Variants in PIK3R1 observed in about 807,000 individuals in gnomAD.
The protein encoded by PIK3R1 is phosphoinositide-3-kinase regulatory subunit 1.
A neutral mutation model predicts 98.0 loss-of-function variants in PIK3R1; 29 were observed. The ratio of observed to expected loss-of-function variants is 0.30; its 90% CI spans 0.22 to 0.40. The LOEUF is 0.40. Ranked by LOEUF, PIK3R1 falls within the 10% of genes least tolerant of loss-of-function variation. The pLI, the probability that PIK3R1 is intolerant of heterozygous loss-of-function variation, is 1.00. For missense variants in PIK3R1, 596 were observed against 872.7 expected (o/e 0.68, Z 3.99); for synonymous variants, 282 against 311.8 (o/e 0.90, Z 1.01).
chr5:68,224,412 T>TC, intron 1 of PIK3R1, among the ~76,000 whole-genome samples: 1 of 152,346 alleles, frequency 6.6e-6, no homozygotes, highest in East Asian at 1.9e-4. Flanking sequence ...TAGAGTACTA[T>TC]CCCCAATTAA....
chr5:68,235,738 A>G (rs1189322187), intron 2 of PIK3R1, among the ~76,000 whole-genome samples: 4 of 152,250 alleles, frequency 2.6e-5, no homozygotes, highest in African/African-American at 7.2e-5. Flanking sequence ...GAATTTGGTT[A>G]GAGTATATCA....
At chr5:68,255,483 T>C (rs1190262048) in intron 2 of PIK3R1, among the ~76,000 whole-genome samples, 1 of 152,190 alleles carries the variant, frequency 6.6e-6, no homozygotes, top group African/African-American at 2.4e-5. Flanking sequence ...ATGACCTTCA[T>C]AGACTATGCA....
intron 1 of PIK3R1, among the ~76,000 whole-genome samples, chr5:68,218,719 A>G (rs1200986706): frequency 6.6e-6 from 1 of 152,216 alleles, no homozygotes; most frequent in Non-Finnish European, 1.5e-5. Context: ...TGTATGTTTC[A>G]TATGAGCTCC....
rs539456941 is a variant in PIK3R1 at position 68,227,066 on chromosome 5, A to G, written c.334+57A>G. On this transcript the variant is annotated intron_variant, in intron 2 of 15. Transcript: ENST00000521381. ...CCCTTTCTTTTTCTTTTTAAGGAAAAGTCTTAAGTTTGGGTTGAGTCGTTA... is the reference window on the plus strand; with the variant it reads ...CCCTTTCTTTTTCTTTTTAAGGAAAGGTCTTAAGTTTGGGTTGAGTCGTTA... The G allele has an allele frequency of 3.3e-5, 49 of 1,488,394 alleles. No individual in the cohort carries two copies. In the Middle Eastern group the frequency reaches 5.5e-4, roughly 17 times the overall value. The allele number at this position is 1,488,394 out of a possible 1,614,324, so 92.2% of individuals were successfully genotyped here. A position where few individuals can be genotyped will look rare whatever the true frequency, so the allele number is the denominator to read the frequency against.
At chr5:68,216,810 G>A (rs944500303) in intron 1 of PIK3R1, among the ~76,000 whole-genome samples, 11 of 76,658 alleles carry the variant, frequency 1.4e-4, no homozygotes, top group African/African-American at 8.1e-4. Flanking sequence ...CAGATCACAA[G>A]ACAAAGAGAA....
chr5:68,273,458 C>G lies in PIK3R1; in HGVS notation c.403C>G (p.Leu135Val). ...CATTGCCCCGCCTCTTCTTATCAAG[C>G]TCGTGGAAGCCATTGAAAAGAAAGG... ...PDIAPPLLIK[L>V]VEAIEKKGLE... is the part of the protein sequence containing the mutation. Residue 135 changes from leucine (L) to valine (V), a missense_variant, in exon 3 of 16, where the codon CTC (leucine) becomes GTC (valine). Physicochemically the swap from Leu to Val is conservative, Grantham distance 32. Coordinates refer to ENST00000521381, the MANE Select transcript of PIK3R1 (RefSeq NM_181523.3). 6.2e-7 allele frequency: 1 copy of G among 1,614,034 alleles called. No individual in the cohort carries two copies. Among genetic ancestry groups the G allele is most frequent in the Non-Finnish European group, 8.5e-7 (1 of 1,179,934 alleles).
At chr5:68,244,753 A>G (rs1364887311) in intron 2 of PIK3R1, among the ~76,000 whole-genome samples, 1 of 152,038 alleles carries the variant, frequency 6.6e-6, no homozygotes, top group Non-Finnish European at 1.5e-5. Context: ...TTTTAGAAAA[A>G]TGCACTTGTT....
intron 2 of PIK3R1, among the ~76,000 whole-genome samples, chr5:68,229,898 C>G (rs908130796): frequency 3.3e-5 from 5 of 152,204 alleles, no homozygotes; most frequent in African/African-American, 7.2e-5. Flanking sequence ...TTAGGAAGCC[C>G]TGGCATATAG....
At chr5:68,221,428 T>G (rs143659176) in intron 1 of PIK3R1, among the ~76,000 whole-genome samples, 1 of 152,346 alleles carries the variant, frequency 6.6e-6, no homozygotes, top group African/African-American at 2.4e-5. Context: ...TGTAGAGAGA[T>G]ATGGGCTGTG....
intron 2 of PIK3R1, among the ~76,000 whole-genome samples, chr5:68,270,018 A>G (rs1746280093): frequency 6.6e-6 from 1 of 152,186 alleles, no homozygotes; most frequent in South Asian, 2.1e-4. Flanking sequence ...GTCACTCAAT[A>G]CATTACAAAA....
At chr5:68,275,624 T>C (rs1298685481) in intron 4 of PIK3R1, among the ~76,000 whole-genome samples, 1 of 151,886 alleles carries the variant, frequency 6.6e-6, no homozygotes, top group African/African-American at 2.4e-5. Flanking sequence ...CCCAGTGAGA[T>C]CAAAACACAT....
At chr5:68,251,967 A>G (rs1417308871) in intron 2 of PIK3R1, among the ~76,000 whole-genome samples, 8 of 152,184 alleles carry the variant, frequency 5.3e-5, no homozygotes, top group Admixed American at 5.2e-4. Flanking sequence ...CTTGGAAAGC[A>G]CTGCCTCAAG....
intron 4 of PIK3R1, among the ~76,000 whole-genome samples, chr5:68,278,582 T>C (rs1031419422): frequency 6.6e-6 from 1 of 152,158 alleles, no homozygotes; most frequent in South Asian, 2.1e-4. Context: ...TGTTAGGAAA[T>C]GTTTGGGTTC....
chr5:68,254,843 T>C (rs1033764157), intron 2 of PIK3R1, among the ~76,000 whole-genome samples: 2 of 152,076 alleles, frequency 1.3e-5, no homozygotes, highest in African/African-American at 4.8e-5. Flanking sequence ...TTTCTTTTTT[T>C]TTTTTATGAT....
intron 2 of PIK3R1, among the ~76,000 whole-genome samples, chr5:68,227,863 C>T (rs1744338940): frequency 6.6e-6 from 1 of 152,192 alleles, no homozygotes; most frequent in Non-Finnish European, 1.5e-5. Flanking sequence ...TAAATGGAAA[C>T]CACCTTCATT....
intron 2 of PIK3R1, among the ~76,000 whole-genome samples, chr5:68,229,813 G>C (rs1744405226): frequency 1.3e-5 from 2 of 152,190 alleles, no homozygotes; most frequent in South Asian, 4.1e-4. Context: ...CTTTTTGAGA[G>C]AAAGAGTCAA....
chr5:68,295,132 T>C lies in PIK3R1; in HGVS notation c.1569-16T>C. The C allele has an allele frequency of 6.2e-7, 1 of 1,609,772 alleles. No individual in the cohort carries two copies. Among genetic ancestry groups the C allele is most frequent in the Non-Finnish European group, 8.5e-7 (1 of 1,177,130 alleles). On this transcript the variant is annotated splice_polypyrimidine_tract_variant and intron_variant, in intron 12 of 15. Transcript: ENST00000521381. ...ATGTACCCAGATAATAACAAATACG[T>C]TTCTTTTGCCTGCAGGATTATGCAT... is the stretch of plus-strand genomic sequence containing the variant.
In PIK3R1 at chr5:68,262,797, GTAGA is replaced by G. The variant is rs368638339; in HGVS notation, c.335-10590_335-10587del. Among the ~76,000 whole-genome samples the G allele has an allele frequency of 7.2e-3, 40 of 5,592 alleles. 5 individuals carry two copies. The highest frequency in any genetic ancestry group is 0.031 in the African/African-American group (14 of 456). The allele number at this position is 5,592 out of a possible 152,430, so 3.7% of individuals were successfully genotyped here. On this transcript the variant is annotated intron_variant, in intron 2 of 15. Transcript: ENST00000521381. ...TAGATGCATGTAGATACATGTATAC[GTAGA>G]TACATGTATACATGTAGATACATGT...
At chr5:68,294,770 C>T (rs1747601606) in intron 12 of PIK3R1, 92 bp downstream of exon 12, 4 of 690,894 alleles carry the variant, frequency 5.8e-6, no homozygotes, top group East Asian at 1.0e-4. Flanking sequence ...TGAATGATCA[C>T]GTGGACACAG....
Sources: allele counts gnomAD v4.1 joint callset (sites outside exome capture counted in the v4.1 genomes callset), GRCh38; gene constraint gnomAD v4.1.1; transcripts MANE v1.5; gene names NCBI Gene and HGNC (gene_info 2026-07-23, HGNC 2026-07-21).